VTI1A: variants seen among roughly 807,000 people sequenced by gnomAD.
VTI1A encodes the protein vesicle transport through interaction with t-SNAREs homolog 1A.
A neutral mutation model predicts 34.9 loss-of-function variants in VTI1A; 22 were observed. The ratio of observed to expected loss-of-function variants is 0.63; its 90% confidence interval spans 0.45 to 0.90. The LOEUF is 0.90. Among genes scored for constraint, VTI1A ranks in the 40% least tolerant of loss-of-function variants. The pLI, the probability that VTI1A is intolerant of heterozygous loss-of-function variation, is 0.00. For synonymous variants in VTI1A, 87 were observed against 97.3 expected (o/e 0.89, Z 0.62); for missense variants, 268 against 275.6 (o/e 0.97, Z 0.20).
intron 7 of VTI1A, among the ~76,000 whole-genome samples, chr10:112,751,824 T>C (rs1851118257): frequency 2.0e-5 from 3 of 152,236 alleles, no homozygotes; most frequent in Admixed American, 2.0e-4. Context: ...GATCTCCAAC[T>C]ATTCTCATTG....
At chr10:112,581,202 G>A (rs540893410) in intron 5 of VTI1A, among the ~76,000 whole-genome samples, 2 of 152,312 alleles carry the variant, frequency 1.3e-5, no homozygotes, top group Non-Finnish European at 2.9e-5. Flanking sequence ...CTTCCTCTGG[G>A]ATTGCAGTGG....
the VTI1A span, among the ~76,000 whole-genome samples, chr10:112,834,577 A>G: frequency 6.6e-6 from 1 of 152,236 alleles, no homozygotes; most frequent in Non-Finnish European, 1.5e-5. Flanking sequence ...GCAAGCCACC[A>G]GGCAATAAAT....
chr10:112,622,262 A>G lies in VTI1A; in HGVS notation c.428-45956A>G, dbSNP rs75784837. 4.0e-3 allele frequency among the ~76,000 whole-genome samples: 608 copies of G among 152,266 alleles called. 2 individuals are homozygous for G. The highest frequency in any genetic ancestry group is 6.8e-3 in the Non-Finnish European group (460 of 68,018). On this transcript the variant is annotated intron_variant, in intron 5 of 7. Transcript: ENST00000393077. Reference sequence around the variant, plus strand: ...GCCCCTGAAAGGGGTGTCAGAATATAGTTGTTTTTGCAGGTTTTAACATTA... The same window carrying G: ...GCCCCTGAAAGGGGTGTCAGAATATGGTTGTTTTTGCAGGTTTTAACATTA...
intron 7 of VTI1A, among the ~76,000 whole-genome samples, chr10:112,712,950 G>A (rs746970255): frequency 6.6e-6 from 1 of 152,196 alleles, no homozygotes; most frequent in Non-Finnish European, 1.5e-5. Flanking sequence ...AATGTGGGGA[G>A]GCCTCAGAAT....
At chr10:112,710,608 C>T (rs1458024912) in intron 7 of VTI1A, among the ~76,000 whole-genome samples, 1 of 152,186 alleles carries the variant, frequency 6.6e-6, no homozygotes, top group African/African-American at 2.4e-5. Context: ...AATGACCTAA[C>T]TTGTTTATAT....
intron 5 of VTI1A, among the ~76,000 whole-genome samples, chr10:112,621,625 T>C (rs901623259): frequency 9.9e-5 from 15 of 152,210 alleles, no homozygotes; most frequent in African/African-American, 2.4e-5. Flanking sequence ...TACTACCTCT[T>C]AGATTCATGT....
At position 112,624,572 on chromosome 10, in the gene VTI1A, G is replaced by C. The variant is rs148266521; in HGVS notation, c.428-43646G>C. 6.2e-3 allele frequency among the ~76,000 whole-genome samples: 948 copies of C among 151,716 alleles called. 11 individuals are homozygous for C. Among genetic ancestry groups the C allele is most frequent in the African/African-American group, 0.022 (918 of 41,320 alleles). On this transcript the variant is annotated intron_variant, in intron 5 of 7. Transcript: ENST00000393077. ...TTTTTTTTAAAAAAAGTTCTTATTA[G>C]GATAAATGCTTATAAGTGAAATACG...
rs1212950526 is a variant in VTI1A, at chr10:112,649,903, T to C, written c.428-18315T>C. Among the ~76,000 whole-genome samples the C allele has an allele frequency of 6.6e-5, 10 of 152,294 alleles. No homozygotes were observed. In the South Asian group the frequency reaches 2.1e-3, roughly 32 times the overall value. ...ATCCACCTGGACGGGACACTCACCATGAATATGAATAGAGGTTAAAGGACC... is the reference window on the plus strand; with the variant it reads ...ATCCACCTGGACGGGACACTCACCACGAATATGAATAGAGGTTAAAGGACC... On this transcript the variant is annotated intron_variant, in intron 5 of 7. Coordinates refer to ENST00000393077, the MANE Select transcript of VTI1A (RefSeq NM_145206.4).
intron 3 of VTI1A, among the ~76,000 whole-genome samples, chr10:112,481,401 C>A (rs1424490884): frequency 1.3e-5 from 2 of 152,168 alleles, no homozygotes; most frequent in Non-Finnish European, 2.9e-5. Flanking sequence ...TGATAGCATA[C>A]GGACTGTCTC....
chr10:112,652,521 G>T (rs1453569236), intron 5 of VTI1A, among the ~76,000 whole-genome samples: 1 of 152,044 alleles, frequency 6.6e-6, no homozygotes, highest in Non-Finnish European at 1.5e-5. Context: ...AGGAGTTTGA[G>T]ACCAGCCTGG....
chr10:112,742,852 C>T (rs1402132062), intron 7 of VTI1A, among the ~76,000 whole-genome samples: 1 of 152,120 alleles, frequency 6.6e-6, no homozygotes, highest in Non-Finnish European at 1.5e-5. Context: ...GATAAATGAA[C>T]AGGAAATACA....
chr10:112,619,869 A>C (rs747788629), intron 5 of VTI1A, among the ~76,000 whole-genome samples: 2 of 152,188 alleles, frequency 1.3e-5, no homozygotes, highest in Non-Finnish European at 2.9e-5. Context: ...GGTGGAAGGG[A>C]AGGAGACACC....
intron 5 of VTI1A, among the ~76,000 whole-genome samples, chr10:112,591,516 T>TCACACACA (rs1221218870): frequency 1.3e-5 from 1 of 79,112 alleles, no homozygotes; most frequent in African/African-American, 5.0e-5. Context: ...TGAGACTCCG[T>TCACACACA]CTCACACACA....
chr10:112,733,773 AAGAGAGAG>A (rs1850358295), intron 7 of VTI1A, among the ~76,000 whole-genome samples: 1 of 149,138 alleles, frequency 6.7e-6, no homozygotes, highest in African/African-American at 2.5e-5. Flanking sequence ...ATTTTATTTT[AAGAGAGAG>A]TTTTACACTT....
chr10:112,668,847 T>C, intron 6 of VTI1A, 90 bp from the exon 7 acceptor site: 1 of 1,356,374 alleles, frequency 7.4e-7, no homozygotes. Context: ...TTGTTTGGAT[T>C]TTCTATCATG....
At chr10:112,648,329 G>A (rs897402915) in intron 5 of VTI1A, among the ~76,000 whole-genome samples, 3 of 152,170 alleles carry the variant, frequency 2.0e-5, no homozygotes, top group Non-Finnish European at 1.5e-5. Context: ...TGAAACTAGA[G>A]AATGTTTGAA....
intron 7 of VTI1A, among the ~76,000 whole-genome samples, chr10:112,747,374 C>G (rs1002795486): frequency 1.1e-4 from 17 of 152,314 alleles, no homozygotes; most frequent in African/African-American, 4.1e-4. Context: ...ATGGTAAAGT[C>G]TACTACACAC....
intron 7 of VTI1A, among the ~76,000 whole-genome samples, chr10:112,757,882 G>A (rs1037892897): frequency 6.6e-6 from 1 of 152,058 alleles, no homozygotes; most frequent in Non-Finnish European, 1.5e-5. Flanking sequence ...AAATAGAATT[G>A]TTGTTTACTT....
At chr10:112,823,436 C>T (rs970026936), downstream of VTI1A, 1 of 152,176 alleles carries the variant, frequency 6.6e-6, no homozygotes, top group Non-Finnish European at 1.5e-5. Flanking sequence ...TCACTGGGCC[C>T]GCCGGCGAGG....
Sources: allele counts gnomAD v4.1 joint callset (sites outside exome capture counted in the v4.1 genomes callset), GRCh38; gene constraint gnomAD v4.1.1; transcripts MANE v1.5; gene names NCBI Gene and HGNC (gene_info 2026-07-23, HGNC 2026-07-21).